The following DOCK3 variants were observed in gnomAD, a reference collection of about 807,000 sequenced individuals.
The protein encoded by DOCK3 is dedicator of cytokinesis 3, also known as dedicator of cytokinesis protein 3.
Under a neutral mutation model 265.6 loss-of-function variants are expected in DOCK3, and 60 were observed. The ratio of observed to expected loss-of-function variants is 0.23; its 90% CI spans 0.18 to 0.28. The LOEUF (loss-of-function observed/expected upper bound fraction) is 0.28, where lower values mean the gene tolerates loss of function less well. Among genes scored for constraint, DOCK3 ranks in the 10% least tolerant of loss-of-function variants. The probability of loss-of-function intolerance (pLI) is 1.00; values close to 1 mark genes in which losing one functional copy is unlikely to be tolerated. For missense variants in DOCK3, 1,981 were observed against 2,594.3 expected (o/e 0.76, Z 5.14); for synonymous variants, 881 against 938.0 (o/e 0.94, Z 1.11).
intron 3 of DOCK3, among the ~76,000 whole-genome samples, chr3:50,848,924 G>A (rs563530625): frequency 1.3e-5 from 2 of 152,266 alleles, no homozygotes; most frequent in East Asian, 3.9e-4. Flanking sequence ...TCTTAGGAAT[G>A]CCAGTAATTT....
intron 5 of DOCK3, among the ~76,000 whole-genome samples, chr3:51,060,228 C>T (rs980729580): frequency 7.9e-5 from 12 of 152,070 alleles, no homozygotes; most frequent in African/African-American, 2.9e-4. Flanking sequence ...GTGACAGCCA[C>T]CACAATGCCA....
chr3:50,766,967 G>T (rs1209239593), intron 1 of DOCK3, among the ~76,000 whole-genome samples: 4 of 150,776 alleles, frequency 2.7e-5, no homozygotes, highest in Admixed American at 6.6e-5. Flanking sequence ...TTTGGATGGG[G>T]TTTTTTTTTG....
At chr3:51,264,892 G>GA (rs1267901068) in intron 23 of DOCK3, among the ~76,000 whole-genome samples, 4 of 149,620 alleles carry the variant, frequency 2.7e-5, no homozygotes, top group Non-Finnish European at 5.9e-5. Flanking sequence ...AAGAATCCTT[G>GA]AAAAAATTAA....
intron 1 of DOCK3, among the ~76,000 whole-genome samples, chr3:50,729,145 A>T (rs1364680095): frequency 6.8e-6 from 1 of 147,352 alleles, no homozygotes; most frequent in African/African-American, 2.5e-5. Flanking sequence ...ACATGGCAAA[A>T]CCCATCTCTA....
At chr3:51,133,923 C>T (rs1006518955) in intron 9 of DOCK3, among the ~76,000 whole-genome samples, 13 of 152,186 alleles carry the variant, frequency 8.5e-5, no homozygotes, top group Non-Finnish European at 1.6e-4. Flanking sequence ...CTACTCATCT[C>T]CCTCCTCCCA....
chr3:51,211,319 G>C (rs1429745564), intron 13 of DOCK3, among the ~76,000 whole-genome samples: 1 of 151,978 alleles, frequency 6.6e-6, no homozygotes, highest in East Asian at 1.9e-4. Context: ...AGTGAGACCA[G>C]ATTAACAGAG....
chr3:50,752,455 G>A (rs2108316575), intron 1 of DOCK3, among the ~76,000 whole-genome samples: 1 of 151,744 alleles, frequency 6.6e-6, no homozygotes, highest in Non-Finnish European at 1.5e-5. Flanking sequence ...GTTAGAGTGA[G>A]CTGAGATCAC....
intron 2 of DOCK3, among the ~76,000 whole-genome samples, chr3:50,797,586 T>C (rs2108649060): frequency 6.6e-6 from 1 of 152,340 alleles, no homozygotes; most frequent in East Asian, 1.9e-4. Context: ...TGTAGTATTT[T>C]TGAGGCACCT....
intron 9 of DOCK3, among the ~76,000 whole-genome samples, chr3:51,096,832 A>G (rs2082877505): frequency 1.3e-5 from 2 of 152,130 alleles, no homozygotes; most frequent in Admixed American, 1.3e-4. Context: ...TTCTGTGTGG[A>G]CATCCTTTTT....
intron 22 of DOCK3, among the ~76,000 whole-genome samples, chr3:51,249,716 C>T (rs1223773302): frequency 1.6e-5 from 2 of 127,902 alleles, no homozygotes; most frequent in East Asian, 2.5e-4. Context: ...TCTGCCCGGC[C>T]GCCCCTACTG....
intron 5 of DOCK3, among the ~76,000 whole-genome samples, chr3:50,989,415 T>G (rs938186829): frequency 1.3e-5 from 2 of 152,004 alleles, no homozygotes; most frequent in African/African-American, 2.4e-5. Context: ...TTTTACAGCA[T>G]TGAGCGGGAA....
chr3:50,856,532 GTTAT>G (rs960518242), intron 3 of DOCK3, among the ~76,000 whole-genome samples: 18 of 151,742 alleles, frequency 1.2e-4, no homozygotes, highest in African/African-American at 4.4e-4. Flanking sequence ...TTTTAATGGG[GTTAT>G]TTGTTTTTTT....
intron 7 of DOCK3, among the ~76,000 whole-genome samples, chr3:51,082,880 A>G (rs2082292269): frequency 6.6e-6 from 1 of 152,172 alleles, no homozygotes; most frequent in Admixed American, 6.5e-5. Flanking sequence ...CAGGGTGATC[A>G]GCCTGGTGAA....
chr3:50,726,474 G>C (rs2037834339), intron 1 of DOCK3, among the ~76,000 whole-genome samples: 1 of 152,192 alleles, frequency 6.6e-6, no homozygotes. Flanking sequence ...CCTTAAGCTT[G>C]TACTTTTGAC....
chr3:50,944,152 A>G (rs569280556), intron 5 of DOCK3, among the ~76,000 whole-genome samples: 1 of 152,342 alleles, frequency 6.6e-6, no homozygotes, highest in East Asian at 1.9e-4. Context: ...CTTCATTTGT[A>G]TAATGGGATG....
intron 27 of DOCK3, among the ~76,000 whole-genome samples, chr3:51,296,683 A>T (rs943087005): frequency 1.3e-5 from 2 of 152,060 alleles, no homozygotes; most frequent in East Asian, 3.9e-4. Context: ...TCACTGTGTT[A>T]GCCAGGATGG....
chr3:51,145,592 T>A (rs952122694), intron 9 of DOCK3, among the ~76,000 whole-genome samples: 6 of 152,296 alleles, frequency 3.9e-5, no homozygotes, highest in Admixed American at 3.3e-4. Context: ...TCGTGAGATT[T>A]TTTTTATTTT....
chr3:50,678,878 C>T (rs1161027668), intron 1 of DOCK3, among the ~76,000 whole-genome samples: 24 of 151,974 alleles, frequency 1.6e-4, no homozygotes, highest in African/African-American at 7.3e-5. Context: ...GGCGTGATCT[C>T]GGCTCACTGC....
At position 51,341,277 on chromosome 3, in the gene DOCK3, G is replaced by A. The variant is rs762962048; in HGVS notation, c.3807G>A (p.Gln1269=). 6 of 1,607,326 alleles carry A rather than the reference G, an allele frequency of 3.7e-6. No homozygotes were observed. In the Admixed American group the frequency reaches 8.4e-5, roughly 22 times the overall value. ...TGCTCCTTTACTGTGAGCTGCTGCA[G>A]TGGGAGGACCGGCCACTACGGGAAT... The part of the protein sequence containing the change: ...FTLLLYCELL[Q]WEDRPLREFL... The change falls in exon 38 of 53, where the codon CAG becomes CAA. Residue 1269 remains glutamine (Q), a synonymous_variant. Transcript: ENST00000266037.
Sources: gnomAD v4.1 joint callset for allele counts (sites outside exome capture counted in the v4.1 genomes callset) on GRCh38, gnomAD v4.1.1 for gene constraint, MANE v1.5 for transcripts, NCBI Gene and HGNC (gene_info 2026-07-23, HGNC 2026-07-21) for gene names.